The following AUTS2 variants were observed in gnomAD, a reference collection of about 807,000 sequenced individuals.
AUTS2 encodes autism susceptibility gene 2 protein.
Under a neutral mutation model 112.4 loss-of-function variants are expected in AUTS2, and 17 were observed. The observed-to-expected ratio is 0.15, with a 90% CI of 0.10 to 0.23. The LOEUF is 0.23. Ranked by LOEUF, AUTS2 falls within the 10% of genes least tolerant of loss-of-function variation. The pLI is 1.00. For missense variants in AUTS2, 1,510 were observed against 1,701.6 expected (o/e 0.89, Z 1.98); for synonymous variants, 751 against 702.7 (o/e 1.07, Z -1.09).
chr7:70,659,113 C>G (rs1482760629), intron 5 of AUTS2, among the ~76,000 whole-genome samples: 1 of 152,136 alleles, frequency 6.6e-6, no homozygotes, highest in Non-Finnish European at 1.5e-5. Flanking sequence ...TCTTTGGGTG[C>G]TTGACCACCG....
chr7:69,608,719 A>T (rs1792867219), intron 1 of AUTS2, among the ~76,000 whole-genome samples: 1 of 152,240 alleles, frequency 6.6e-6, no homozygotes, highest in South Asian at 2.1e-4. Flanking sequence ...CTGTCTGTAC[A>T]TGTTCAGTTG....
At chr7:70,495,419 G>A (rs1214060808) in intron 5 of AUTS2, among the ~76,000 whole-genome samples, 2 of 151,956 alleles carry the variant, frequency 1.3e-5, no homozygotes, top group Non-Finnish European at 2.9e-5. Flanking sequence ...CCAAGGCGTT[G>A]TCTAGAATCT....
chr7:69,703,091 G>C (rs1410081480), intron 1 of AUTS2, among the ~76,000 whole-genome samples: 3 of 152,132 alleles, frequency 2.0e-5, no homozygotes, highest in African/African-American at 7.2e-5. Context: ...TAAAAACAGT[G>C]TTAAAGGCTA....
chr7:70,788,232 T>TTGCAGTATTTAAGATTC (rs1313619743), intron 18 of AUTS2, among the ~76,000 whole-genome samples: 1 of 152,230 alleles, frequency 6.6e-6, no homozygotes, highest in African/African-American at 2.4e-5. Flanking sequence ...CCCAATTTCC[T>TTGCAGTATTTAAGATTC]TGCAGTATTT....
chr7:69,604,549 G>A (rs1216824685), intron 1 of AUTS2, among the ~76,000 whole-genome samples: 1 of 152,194 alleles, frequency 6.6e-6, no homozygotes, highest in African/African-American at 2.4e-5. Context: ...TGTTCCAGAA[G>A]GCTTCATGGG....
intron 5 of AUTS2, among the ~76,000 whole-genome samples, chr7:70,444,487 CA>C (rs1164115644): frequency 1.3e-5 from 2 of 151,938 alleles, no homozygotes; most frequent in African/African-American, 4.8e-5. Flanking sequence ...CAAATATAAT[CA>C]AATATCTATA....
At chr7:69,738,950 A>G (rs1346956779) in intron 1 of AUTS2, among the ~76,000 whole-genome samples, 2 of 152,224 alleles carry the variant, frequency 1.3e-5, no homozygotes, top group East Asian at 3.9e-4. Flanking sequence ...TGCAGTTATT[A>G]GTGTGAATGC....
In AUTS2 at chr7:70,600,247, TG is replaced by T. The variant is rs545621777; in HGVS notation, c.691-98321del. ...TTTAAAGTGTACAATTCAGTAATTT[TG>T]TGGGGTTTTTAGGTTTTTTGTTTTG... On this transcript the variant is annotated intron_variant, in intron 5 of 18. Coordinates refer to ENST00000342771, the MANE Select transcript of AUTS2 (RefSeq NM_015570.4). Among the ~76,000 whole-genome samples the T allele has an allele frequency of 4.6e-3, 694 of 152,338 alleles. 6 individuals are homozygous for T. Among genetic ancestry groups the T allele is most frequent in the African/African-American group, 0.016 (659 of 41,568 alleles).
intron 2 of AUTS2, among the ~76,000 whole-genome samples, chr7:69,927,186 T>TTATATATATATATATATATA (rs67558137): frequency 1.4e-5 from 2 of 142,408 alleles, no homozygotes; most frequent in East Asian, 4.1e-4. Context: ...TCCAATATAT[T>TTATATATATATATATATATA]TATATATATA....
intron 1 of AUTS2, among the ~76,000 whole-genome samples, chr7:69,745,859 A>T (rs987992896): frequency 1.3e-5 from 2 of 152,112 alleles, no homozygotes; most frequent in African/African-American, 4.8e-5. Context: ...TACAAAAACA[A>T]TGCCAGTATG....
chr7:69,785,651 A>G (rs1284967012), intron 1 of AUTS2, among the ~76,000 whole-genome samples: 1 of 152,198 alleles, frequency 6.6e-6, no homozygotes, highest in Non-Finnish European at 1.5e-5. Flanking sequence ...ATGGTCTGGT[A>G]TGGTTTTCTG....
intron 5 of AUTS2, among the ~76,000 whole-genome samples, chr7:70,574,443 A>G (rs1216789072): frequency 1.3e-5 from 2 of 152,082 alleles, no homozygotes; most frequent in African/African-American, 2.4e-5. Flanking sequence ...ACTTCCACAT[A>G]GCTTCAGAAG....
At chr7:69,802,345 C>T (rs1431724172) in intron 1 of AUTS2, among the ~76,000 whole-genome samples, 1 of 152,128 alleles carries the variant, frequency 6.6e-6, no homozygotes, top group Non-Finnish European at 1.5e-5. Context: ...TCTCTCAGAT[C>T]TTGTTTTTCC....
At chr7:69,867,241 A>G (rs1380425241) in intron 1 of AUTS2, among the ~76,000 whole-genome samples, 2 of 152,212 alleles carry the variant, frequency 1.3e-5, no homozygotes, top group Non-Finnish European at 2.9e-5. Flanking sequence ...TGGGAGGCAG[A>G]TAGGCCTTGA....
intron 6 of AUTS2, among the ~76,000 whole-genome samples, chr7:70,725,227 T>A (rs1270898101): frequency 6.6e-6 from 1 of 152,166 alleles, no homozygotes; most frequent in African/African-American, 2.4e-5. Context: ...CCTTTTCCTC[T>A]CGGGTAAATG....
intron 6 of AUTS2, chr7:70,699,288 T>G (rs1412417344): frequency 2.6e-5 from 4 of 152,206 alleles, no homozygotes; most frequent in Non-Finnish European, 5.9e-5. Flanking sequence ...CTCTGAAAGG[T>G]GTGTAATTTG....
At chr7:69,997,187 T>C (rs529184293) in intron 2 of AUTS2, among the ~76,000 whole-genome samples, 1 of 152,332 alleles carries the variant, frequency 6.6e-6, no homozygotes, top group South Asian at 2.1e-4. Context: ...CAGCTGGCAT[T>C]ATCCCTATTT....
intron 4 of AUTS2, among the ~76,000 whole-genome samples, chr7:70,141,812 C>A (rs1806879420): frequency 6.6e-6 from 1 of 152,168 alleles, no homozygotes; most frequent in Non-Finnish European, 1.5e-5. Context: ...CAGGAGCAGA[C>A]ACACCTTGAC....
At chr7:70,756,844 C>A (rs1789243229) in intron 6 of AUTS2, among the ~76,000 whole-genome samples, 1 of 152,200 alleles carries the variant, frequency 6.6e-6, no homozygotes. Flanking sequence ...AAAACCCATG[C>A]AAAGAATTAC....
Sources: allele counts gnomAD v4.1 joint callset (sites outside exome capture counted in the v4.1 genomes callset), GRCh38; gene constraint gnomAD v4.1.1; transcripts MANE v1.5; gene names NCBI Gene and HGNC (gene_info 2026-07-23, HGNC 2026-07-21).